Variants in RBFOX1 observed in about 807,000 individuals in gnomAD.
The protein encoded by RBFOX1 is RNA binding fox-1 homolog 1.
RBFOX1 carries 8 observed loss-of-function variants against 57.7 expected under a neutral mutation model. That is an observed-to-expected ratio of 0.14 (90% CI 0.08 to 0.25). The LOEUF (loss-of-function observed/expected upper bound fraction) is 0.25. Among genes scored for constraint, RBFOX1 ranks in the 10% least tolerant of loss-of-function variants. The pLI is 1.00. For missense variants in RBFOX1, 611 were observed against 548.5 expected, an observed-to-expected ratio of 1.11 and a Z score of -1.14; for synonymous variants, 326 against 222.4, an observed-to-expected ratio of 1.47 and a Z score of -4.15.
At chr16:5,761,494 G>T (rs561539282) in intron 3 of RBFOX1, among the ~76,000 whole-genome samples, 53 of 152,262 alleles carry the variant, frequency 3.5e-4, no homozygotes, top group African/African-American at 1.2e-3. Flanking sequence ...CACATGGCTT[G>T]GGAGTCCTCA....
chr16:6,174,093 G>C (rs1276189966), intron 1 of RBFOX1, among the ~76,000 whole-genome samples: 1 of 152,130 alleles, frequency 6.6e-6, no homozygotes, highest in Non-Finnish European at 1.5e-5. Flanking sequence ...CTGTGGTTGA[G>C]AGGCAACTTA....
At chr16:5,480,260 T>A (rs528853740) in intron 2 of RBFOX1, among the ~76,000 whole-genome samples, 1 of 152,128 alleles carries the variant, frequency 6.6e-6, no homozygotes, top group African/African-American at 2.4e-5. Flanking sequence ...GTCAAAGCCA[T>A]TGGGGGATTT....
chr16:6,775,461 A>G (rs1270191632), intron 3 of RBFOX1, among the ~76,000 whole-genome samples: 1 of 143,426 alleles, frequency 7.0e-6, no homozygotes, highest in Admixed American at 7.3e-5. Context: ...CTAATCCCAA[A>G]AAGAAAAAAA....
chr16:6,216,085 C>T (rs1297425736), intron 1 of RBFOX1, among the ~76,000 whole-genome samples: 1 of 152,074 alleles, frequency 6.6e-6, no homozygotes, highest in Non-Finnish European at 1.5e-5. Flanking sequence ...ATGATAAGAA[C>T]ACATGGGCAC....
At chr16:6,511,247 A>G (rs2096250123) in intron 2 of RBFOX1, among the ~76,000 whole-genome samples, 1 of 152,206 alleles carries the variant, frequency 6.6e-6, no homozygotes, top group Non-Finnish European at 1.5e-5. Context: ...TGGTGCCCCC[A>G]TAAAAGGGGT....
At chr16:6,484,279 T>A (rs1188515132) in intron 2 of RBFOX1, among the ~76,000 whole-genome samples, 1 of 152,212 alleles carries the variant, frequency 6.6e-6, no homozygotes, top group African/African-American at 2.4e-5. Context: ...CATGCTCACG[T>A]TGCAAGGGAG....
chr16:6,307,641 A>C lies in RBFOX1; in HGVS notation c.-126-9354A>C, dbSNP rs13331490. 8.5e-3 allele frequency among the ~76,000 whole-genome samples: 1,250 copies of C among 147,796 alleles called. 21 individuals are homozygous for C. The highest frequency in any genetic ancestry group is 0.028 in the African/African-American group (1,158 of 40,896). Reference sequence around the variant, plus strand: ...TTAATTATATATTTTTATAAATGATATTTATGATTTATATCTTTAGATTAT... The same window carrying C: ...TTAATTATATATTTTTATAAATGATCTTTATGATTTATATCTTTAGATTAT... On this transcript the variant is annotated intron_variant, in intron 1 of 15. Transcript: ENST00000550418.
At chr16:6,832,315 C>A (rs1434602036) in intron 3 of RBFOX1, among the ~76,000 whole-genome samples, 1 of 152,122 alleles carries the variant, frequency 6.6e-6, no homozygotes. Flanking sequence ...GAGTTGGAGA[C>A]AGTGTTACTC....
chr16:5,684,299 A>T (rs2050436663), intron 3 of RBFOX1, among the ~76,000 whole-genome samples: 1 of 152,134 alleles, frequency 6.6e-6, no homozygotes, highest in South Asian at 2.1e-4. Flanking sequence ...TAGGATATAT[A>T]TCTATATCCT....
intron 2 of RBFOX1, among the ~76,000 whole-genome samples, chr16:6,451,484 A>C (rs981749914): frequency 6.6e-6 from 1 of 152,094 alleles, no homozygotes; most frequent in African/African-American, 2.4e-5. Context: ...TCGGGCCAAA[A>C]TCCAGTTGCT....
chr16:5,438,654 C>G (rs1011499409), intron 1 of RBFOX1, among the ~76,000 whole-genome samples: 2 of 152,130 alleles, frequency 1.3e-5, no homozygotes, highest in Non-Finnish European at 2.9e-5. Flanking sequence ...TACGAAAAAT[C>G]AATTGCACCC....
chr16:6,516,935 C>G lies in RBFOX1; in HGVS notation c.-63-137668C>G, dbSNP rs755487035. ...GACATCTTCCTGGGAAAACTAACCG[C>G]TTTCCTCCACAAATATGCTCTGGGG... On this transcript the variant is annotated intron_variant, in intron 2 of 15. Coordinates refer to ENST00000550418, the MANE Select transcript of RBFOX1 (RefSeq NM_018723.4). Among the ~76,000 whole-genome samples the G allele has an allele frequency of 2.3e-4, 35 of 152,180 alleles. 1 individual carries two copies. The highest frequency in any genetic ancestry group is 6.5e-5 in the Admixed American group (1 of 15,276).
At chr16:7,362,548 G>A (rs1302480341) in intron 4 of RBFOX1, among the ~76,000 whole-genome samples, 1 of 151,982 alleles carries the variant, frequency 6.6e-6, no homozygotes, top group Non-Finnish European at 1.5e-5. Context: ...GTAGATGTTA[G>A]TGTGTGGATG....
chr16:6,851,531 A>G (rs1481601909), intron 3 of RBFOX1, among the ~76,000 whole-genome samples: 1 of 152,220 alleles, frequency 6.6e-6, no homozygotes, highest in Admixed American at 6.5e-5. Context: ...TATTTTACAT[A>G]TTAAATTTTT....
intron 3 of RBFOX1, among the ~76,000 whole-genome samples, chr16:6,979,192 A>G (rs1159465842): frequency 6.6e-6 from 1 of 152,210 alleles, no homozygotes; most frequent in Non-Finnish European, 1.5e-5. Flanking sequence ...TTGAAAGGTT[A>G]TTTAAATCCC....
At chr16:5,973,300 G>T (rs1359565758) in intron 4 of RBFOX1, among the ~76,000 whole-genome samples, 1 of 152,148 alleles carries the variant, frequency 6.6e-6, no homozygotes, top group African/African-American at 2.4e-5. Context: ...TGTCTTTGAT[G>T]GTTAGGAGCA....
Position 7,524,371 on chromosome 16 carries a change from C to T in RBFOX1, c.270+5982C>T, listed in dbSNP as rs74654522. Among the ~76,000 whole-genome samples the T allele has an allele frequency of 1.5e-3, 233 of 152,254 alleles. 6 individuals carry two copies. The East Asian group carries it at 0.036, about 23-fold the overall frequency. ...ACAGGCTGAGATGAGTCCCTGCAGGCCTTTTTTTCTGCTGAATTTCTATTT... is the reference window on the plus strand; with the variant it reads ...ACAGGCTGAGATGAGTCCCTGCAGGTCTTTTTTTCTGCTGAATTTCTATTT... On this transcript the variant is annotated intron_variant, in intron 5 of 15. Transcript: ENST00000550418.
intron 1 of RBFOX1, among the ~76,000 whole-genome samples, chr16:6,135,685 TAA>T (rs1434511644): frequency 6.6e-6 from 1 of 151,202 alleles, no homozygotes; most frequent in African/African-American, 2.4e-5. Flanking sequence ...GAACAATGAC[TAA>T]TCATAAGGAA....
chr16:7,672,807 C>G (rs2071923818), intron 13 of RBFOX1, among the ~76,000 whole-genome samples: 1 of 124,666 alleles, frequency 8.0e-6, no homozygotes, highest in African/African-American at 3.0e-5. Flanking sequence ...ACACAGATTG[C>G]AGTGAGCCGA....
Sources: gnomAD v4.1 joint callset for allele counts (sites outside exome capture counted in the v4.1 genomes callset) on GRCh38, gnomAD v4.1.1 for gene constraint, MANE v1.5 for transcripts, NCBI Gene and HGNC (gene_info 2026-07-23, HGNC 2026-07-21) for gene names.